Variants in NECTIN1 observed in about 807,000 individuals in gnomAD.
The protein encoded by NECTIN1 is nectin-1.
Under a neutral mutation model 48.0 loss-of-function variants are expected in NECTIN1, and 23 were observed. The observed-to-expected ratio is 0.48, with a 90% CI of 0.34 to 0.68. The LOEUF (loss-of-function observed/expected upper bound fraction) is 0.68. Ranked by LOEUF, NECTIN1 falls within the 30% of genes least tolerant of loss-of-function variation. NECTIN1 has a pLI of 0.01. For missense variants in NECTIN1, 591 were observed against 709.9 expected (o/e 0.83, Z 1.90); for synonymous variants, 270 against 288.9 (o/e 0.93, Z 0.66).
chr11:119,679,951 C>T (rs1865029251), intron 1 of NECTIN1, among the ~76,000 whole-genome samples: 1 of 152,210 alleles, frequency 6.6e-6, no homozygotes, highest in African/African-American at 2.4e-5. Context: ...GTGGTGGTTA[C>T]ACATCTGATT....
At chr11:119,693,199 C>T (rs547765085) in intron 1 of NECTIN1, among the ~76,000 whole-genome samples, 1 of 152,208 alleles carries the variant, frequency 6.6e-6, no homozygotes, top group East Asian at 1.9e-4. Flanking sequence ...CCAGTCCAAA[C>T]CCTGCCACTC....
At chr11:119,669,594 G>A (rs1369898022) in intron 5 of NECTIN1, among the ~76,000 whole-genome samples, 1 of 151,808 alleles carries the variant, frequency 6.6e-6, no homozygotes, top group Non-Finnish European at 1.5e-5. Context: ...GACAAATCCT[G>A]TTGAAGTGTA....
At chr11:119,641,584 C>G (rs186216717) in intron 5 of NECTIN1, 1 of 115,954 alleles carries the variant, frequency 8.6e-6, no homozygotes, top group East Asian at 2.3e-4. Context: ...TCTCTTTCTT[C>G]CCCTTCTTTG....
chr11:119,691,342 G>A (rs1246542669), intron 1 of NECTIN1, among the ~76,000 whole-genome samples: 2 of 152,246 alleles, frequency 1.3e-5, no homozygotes, highest in African/African-American at 4.8e-5. Flanking sequence ...GGTCACCCTG[G>A]AGGGCAGGCA....
Position 119,664,522 on chromosome 11 carries a change from C to G in NECTIN1, c.*225G>C, listed in dbSNP as rs895496180. ...GATACAGTAACACTAAAGCCACAGT[C>G]GAACACAACACCATGGGGAAGGGCG... On this transcript the variant is annotated 3_prime_UTR_variant, in exon 6 of 6. Coordinates refer to ENST00000264025, the MANE Select transcript of NECTIN1 (RefSeq NM_002855.5). 2.8e-6 allele frequency: 4 copies of G among 1,414,018 alleles called. No individual in the cohort carries two copies. The highest frequency in any genetic ancestry group is 1.6e-5 in the South Asian group (1 of 63,250). 87.6% of individuals were successfully genotyped at this position (1,414,018 alleles called of 1,614,324 possible).
In NECTIN1 at chr11:119,683,945, C is replaced by T. The variant is rs11217395; in HGVS notation, c.80-5180G>A. Among the ~76,000 whole-genome samples, 572 of 152,210 alleles carry T rather than the reference C, an allele frequency of 3.8e-3. 3 individuals carry two copies. Among genetic ancestry groups the T allele is most frequent in the East Asian group, 0.026 (136 of 5,162 alleles). ...CGGGCCTCAGGCCGGCCCCCTGAGA[C>T]GTCACAGACCTGCAAACGCCTGAGC... is the stretch of plus-strand genomic sequence containing the variant. On this transcript the variant is annotated intron_variant, in intron 1 of 5. Coordinates refer to ENST00000264025, the MANE Select transcript of NECTIN1 (RefSeq NM_002855.5). This position sits in a 1 kb window ranked among gnomAD's most constrained non-coding sequence, Gnocchi z 4.0.
intron 1 of NECTIN1, among the ~76,000 whole-genome samples, chr11:119,697,403 G>A (rs1460385198): frequency 6.6e-6 from 1 of 152,180 alleles, no homozygotes; most frequent in South Asian, 2.1e-4. Flanking sequence ...AAAGTGATTA[G>A]ACAGATTATG....
chr11:119,638,781 G>T, exon 7 of NECTIN1: 1 of 1,614,008 alleles, frequency 6.2e-7, no homozygotes, highest in Admixed American at 1.7e-5. Flanking sequence ...GAAGGCTCCG[G>T]CTTCTGGGAG....
chr11:119,667,946 G>A (rs560844683), intron 5 of NECTIN1, among the ~76,000 whole-genome samples: 5 of 152,304 alleles, frequency 3.3e-5, no homozygotes, highest in South Asian at 2.1e-4. Context: ...GGGTCGAGAT[G>A]TTGGCTTAGA....
chr11:119,659,850 T>G (rs1311085537), downstream of NECTIN1, among the ~76,000 whole-genome samples: 1 of 152,248 alleles, frequency 6.6e-6, no homozygotes, highest in Non-Finnish European at 1.5e-5. Context: ...AATTACGCAT[T>G]TATTGCCTGC....
At chr11:119,711,647 G>A (rs1735356445) in intron 1 of NECTIN1, among the ~76,000 whole-genome samples, 1 of 152,200 alleles carries the variant, frequency 6.6e-6, no homozygotes, top group Non-Finnish European at 1.5e-5. Context: ...GCATTTCACA[G>A]GTGGGTGTGT....
At chr11:119,723,149 G>T (rs1865860521) in intron 1 of NECTIN1, among the ~76,000 whole-genome samples, 1 of 145,514 alleles carries the variant, frequency 6.9e-6, no homozygotes, top group Admixed American at 7.0e-5. Context: ...AACCCAGGAG[G>T]CAGAGGTTGC....
At chr11:119,642,087 G>C (rs1864334915) in intron 5 of NECTIN1, 1 of 152,220 alleles carries the variant, frequency 6.6e-6, no homozygotes, top group Admixed American at 6.5e-5. Context: ...CCCCAGCCCT[G>C]CACAGTGCCT....
rs7952366 is a variant in NECTIN1 at position 119,727,233 on chromosome 11, T to G, written c.79+1242A>C. On this transcript the variant is annotated intron_variant, in intron 1 of 5. Transcript: ENST00000264025. The surrounding 1 kb of genome is among the most constrained non-coding windows in gnomAD (Gnocchi z 4.1). ...GCCCCGGAACTAGGCAGCCAGACTG[T>G]TCCCTCGATAACAAACTGCCTGGCC... 0.53 allele frequency among the ~76,000 whole-genome samples: 80,114 copies of G among 152,034 alleles called. 21,795 individuals carry two copies. The highest frequency in any genetic ancestry group is 0.68 in the Middle Eastern group (199 of 294).
At chr11:119,640,944 C>T (rs555779678) in intron 5 of NECTIN1, 1 of 152,328 alleles carries the variant, frequency 6.6e-6, no homozygotes, top group East Asian at 1.9e-4. Context: ...AATAGAGATG[C>T]CAAATTGCAG....
At chr11:119,697,111 T>A (rs1176680933) in intron 1 of NECTIN1, among the ~76,000 whole-genome samples, 1 of 151,388 alleles carries the variant, frequency 6.6e-6, no homozygotes, top group Non-Finnish European at 1.5e-5. Flanking sequence ...CCACAATAGA[T>A]GTGGGGGGCG....
At position 119,728,762 on chromosome 11, in the gene NECTIN1, G is replaced by C. The variant is rs1017856775; in HGVS notation, c.-209C>G. The C allele has an allele frequency of 8.9e-6, 4 of 446,942 alleles. No individual in the cohort carries two copies. Among genetic ancestry groups the C allele is most frequent in the Non-Finnish European group, 1.2e-5 (3 of 254,040 alleles). 27.7% of individuals were successfully genotyped at this position (446,942 alleles called of 1,614,324 possible). On this transcript the variant is annotated 5_prime_UTR_variant, in exon 1 of 6. Coordinates refer to ENST00000264025, the MANE Select transcript of NECTIN1 (RefSeq NM_002855.5). Reference sequence around the variant, plus strand: ...CGGGCCGCCGCCGGCTCAGAGGCTCGGCAGATGCCCGCCGCAAGTTGCACG... The same window carrying C: ...CGGGCCGCCGCCGGCTCAGAGGCTCCGCAGATGCCCGCCGCAAGTTGCACG...
At chr11:119,660,663 G>A (rs539334669), downstream of NECTIN1, among the ~76,000 whole-genome samples, 30 of 152,242 alleles carry the variant, frequency 2.0e-4, no homozygotes, top group South Asian at 4.1e-4. Flanking sequence ...GGCACCAGCC[G>A]GCACAGGGCT....
At chr11:119,653,203 G>A (rs1864517310) in intron 5 of NECTIN1, among the ~76,000 whole-genome samples, 1 of 152,122 alleles carries the variant, frequency 6.6e-6, no homozygotes, top group Non-Finnish European at 1.5e-5. Flanking sequence ...AGTTGTTACC[G>A]TATTCCTCAA....
Sources: gnomAD v4.1 joint callset for allele counts (sites outside exome capture counted in the v4.1 genomes callset) on GRCh38, gnomAD v4.1.1 for gene constraint, Gnocchi (gnomAD v3.1) non-coding constraint, MANE v1.5 for transcripts, NCBI Gene and HGNC (gene_info 2026-07-23, HGNC 2026-07-21) for gene names.